BORCS5: variants seen among roughly 807,000 people sequenced by gnomAD.
The protein encoded by BORCS5 is BLOC-1 related complex subunit 5.
In BORCS5, 17 loss-of-function variants were observed where a neutral mutation model predicts 22.1. The observed-to-expected ratio is 0.77, with a 90% CI of 0.53 to 1.15. The LOEUF is 1.15. Ranked by LOEUF, BORCS5 falls within the 50% of genes most tolerant of loss-of-function variation. BORCS5 has a pLI of 0.00. For synonymous variants in BORCS5, 117 were observed against 99.8 expected, an observed-to-expected ratio of 1.17 and a Z score of -1.03; for missense variants, 247 against 253.2, an observed-to-expected ratio of 0.98 and a Z score of 0.17.
At chr12:12,418,969 T>G (rs986865451) in intron 2 of BORCS5, among the ~76,000 whole-genome samples, 1 of 152,224 alleles carries the variant, frequency 6.6e-6, no homozygotes, top group Admixed American at 6.5e-5. Context: ...GCTGTCGTCT[T>G]CTGTGTTGAT....
At chr12:12,440,619 A>AC (rs1174518180) in intron 3 of BORCS5, among the ~76,000 whole-genome samples, 3 of 151,554 alleles carry the variant, frequency 2.0e-5, no homozygotes, top group East Asian at 1.9e-4. Flanking sequence ...AAAAAAAAAA[A>AC]ACCAGGATTT....
chr12:12,385,887 T>G (rs1027771228), intron 2 of BORCS5, among the ~76,000 whole-genome samples: 11 of 151,502 alleles, frequency 7.3e-5, no homozygotes, highest in African/African-American at 2.7e-4. Context: ...TCAAAATGGT[T>G]TGAATTATGT....
intron 2 of BORCS5, among the ~76,000 whole-genome samples, chr12:12,399,328 A>G (rs1433727878): frequency 6.6e-6 from 1 of 152,150 alleles, no homozygotes; most frequent in Admixed American, 6.5e-5. Context: ...GTGAATTGCA[A>G]AAGGGTTTCT....
intron 2 of BORCS5, among the ~76,000 whole-genome samples, chr12:12,433,636 T>G (rs1477152882): frequency 6.6e-6 from 1 of 152,126 alleles, no homozygotes; most frequent in Non-Finnish European, 1.5e-5. Context: ...CAATAAAAAT[T>G]TCAATTAAAA....
intron 1 of BORCS5, among the ~76,000 whole-genome samples, chr12:12,358,996 C>G (rs985048613): frequency 6.6e-6 from 1 of 152,164 alleles, no homozygotes; most frequent in African/African-American, 2.4e-5. Context: ...TGAGATATGA[C>G]TATAATGAGC....
At chr12:12,360,202 A>G (rs532268449) in intron 1 of BORCS5, among the ~76,000 whole-genome samples, 1 of 152,116 alleles carries the variant, frequency 6.6e-6, no homozygotes, top group African/African-American at 2.4e-5. Context: ...TCTCTACTAA[A>G]AATACAAAAA....
chr12:12,361,165 G>A, intron 1 of BORCS5, 41 bp from the exon 2 acceptor site: 6 of 1,590,470 alleles, frequency 3.8e-6, no homozygotes, highest in Middle Eastern at 1.7e-4. Flanking sequence ...AGGCAGAGAT[G>A]CCTAATATGC....
intron 1 of BORCS5, among the ~76,000 whole-genome samples, chr12:12,360,769 C>G (rs1446334088): frequency 6.6e-6 from 1 of 151,756 alleles, no homozygotes; most frequent in Non-Finnish European, 1.5e-5. Context: ...TGCCCAGGCT[C>G]AAGTGCAGTG....
intron 2 of BORCS5, among the ~76,000 whole-genome samples, chr12:12,379,146 A>G (rs897778539): frequency 1.4e-5 from 2 of 145,518 alleles, no homozygotes; most frequent in Non-Finnish European, 3.0e-5. Flanking sequence ...GGAGGCAAAA[A>G]TCTTGCTTTG....
intron 2 of BORCS5, among the ~76,000 whole-genome samples, chr12:12,407,599 G>A (rs1490394891): frequency 1.3e-5 from 2 of 151,536 alleles, no homozygotes; most frequent in Non-Finnish European, 2.9e-5. Context: ...GAACTTCTCC[G>A]TTATCCCAAA....
intron 2 of BORCS5, among the ~76,000 whole-genome samples, chr12:12,430,556 G>C (rs1942397161): frequency 6.6e-6 from 1 of 152,092 alleles, no homozygotes; most frequent in Non-Finnish European, 1.5e-5. Flanking sequence ...GAAGAAGGGA[G>C]AACTGCCCTG....
Position 12,379,724 on chromosome 12 carries a change from A to G in BORCS5, c.202+18375A>G, listed in dbSNP as rs1012617040. On this transcript the variant is annotated intron_variant, in intron 2 of 3. Coordinates refer to ENST00000314565, the MANE Select transcript of BORCS5 (RefSeq NM_058169.6). ...TTTGTCTCAGTGGAATGTTGGAGCT[A>G]GTTTGATTGTCTATCCAGACCATTA... is the stretch of plus-strand genomic sequence containing the variant. Among the ~76,000 whole-genome samples the G allele has an allele frequency of 1.5e-4, 22 of 151,482 alleles. 1 individual carries two copies. The highest frequency in any genetic ancestry group is 4.6e-4 in the African/African-American group (19 of 41,300).
At chr12:12,446,979 A>G (rs1942802160) in intron 3 of BORCS5, among the ~76,000 whole-genome samples, 1 of 152,234 alleles carries the variant, frequency 6.6e-6, no homozygotes, top group African/African-American at 2.4e-5. Context: ...CTGTAGAAGT[A>G]TGAGCATTAG....
chr12:12,361,230 G>A lies in BORCS5; in HGVS notation c.83G>A (p.Arg28Lys). 6.2e-7 allele frequency: 1 copy of A among 1,614,124 alleles called. No homozygotes were observed. Among genetic ancestry groups the A allele is most frequent in the Non-Finnish European group, 8.5e-7 (1 of 1,180,014 alleles). ...GTGACTCCTTCACCAGCCAAGCATA[G>A]AGCCAAGATGGATGATATTGTGGTT... is the stretch of plus-strand genomic sequence containing the variant. ...SSVTPSPAKH[R>K]AKMDDIVVVA... Residue 28 changes from arginine (R) to lysine (K), a missense_variant, in exon 2 of 4, where the codon AGA (arginine) becomes AAA (lysine). Transcript: ENST00000314565.
intron 2 of BORCS5, among the ~76,000 whole-genome samples, chr12:12,407,683 C>T (rs1355463223): frequency 1.3e-5 from 2 of 151,308 alleles, no homozygotes; most frequent in African/African-American, 2.4e-5. Flanking sequence ...TACTTATTTT[C>T]GCCATGAATT....
rs1232176939 is a variant in BORCS5, at chr12:12,468,378, A to G, written c.*2602A>G. ...GGATCTCTTTGTTGGTTAATACCCC[A>G]TGACCTATCTGGCCGTTATGGGATA... On this transcript the variant is annotated 3_prime_UTR_variant, in exon 4 of 4. Coordinates refer to ENST00000314565, the MANE Select transcript of BORCS5 (RefSeq NM_058169.6). 1 of 152,198 alleles carries G rather than the reference A, an allele frequency of 6.6e-6. No homozygotes were observed. The highest frequency in any genetic ancestry group is 1.5e-5 in the Non-Finnish European group (1 of 68,038). 9.4% of individuals were successfully genotyped at this position (152,198 alleles called of 1,614,324 possible).
intron 2 of BORCS5, among the ~76,000 whole-genome samples, chr12:12,364,914 C>T (rs1460765487): frequency 6.6e-6 from 1 of 152,132 alleles, no homozygotes; most frequent in Non-Finnish European, 1.5e-5. Flanking sequence ...TTGCAGTGAG[C>T]CAAGATTGCA....
At chr12:12,459,575 T>C (rs1943065188) in intron 3 of BORCS5, among the ~76,000 whole-genome samples, 1 of 152,170 alleles carries the variant, frequency 6.6e-6, no homozygotes, top group African/African-American at 2.4e-5. Flanking sequence ...CTCCCAAAGC[T>C]CTGGGATTAC....
In BORCS5 at chr12:12,418,528, A is replaced by T. The variant is rs1248843658; in HGVS notation, c.203-17100A>T. ...AGTTAGACCCCCATCTCTACAAAAA[A>T]ATTTAAAAATTAGCCAGGTGTGATA... On this transcript the variant is annotated intron_variant, in intron 2 of 3. Transcript: ENST00000314565. 5.3e-5 allele frequency among the ~76,000 whole-genome samples: 8 copies of T among 152,230 alleles called. No homozygotes were observed. The East Asian group carries it at 1.4e-3, about 26-fold the overall frequency.
Sources: allele counts gnomAD v4.1 joint callset (sites outside exome capture counted in the v4.1 genomes callset), GRCh38; gene constraint gnomAD v4.1.1; transcripts MANE v1.5; gene names NCBI Gene and HGNC (gene_info 2026-07-23, HGNC 2026-07-21).